Variants in DNAJC1 observed in about 807,000 individuals in gnomAD.
The protein encoded by DNAJC1 is dnaJ homolog subfamily C member 1.
Under a neutral mutation model 76.6 loss-of-function variants are expected in DNAJC1, and 58 were observed. That is an observed-to-expected ratio of 0.76 (90% CI 0.61 to 0.94). The LOEUF is 0.94. DNAJC1 is among the 40% of genes least tolerant of loss of function. The probability of loss-of-function intolerance (pLI) is 0.00; values close to 1 mark genes in which losing one functional copy is unlikely to be tolerated. For synonymous variants in DNAJC1, 258 were observed against 267.9 expected, an observed-to-expected ratio of 0.96 and a Z score of 0.36; for missense variants, 689 against 677.3, an observed-to-expected ratio of 1.02 and a Z score of -0.19.
intron 1 of DNAJC1, among the ~76,000 whole-genome samples, chr10:21,938,187 G>A (rs1195905783): frequency 6.6e-6 from 1 of 151,362 alleles, no homozygotes; most frequent in African/African-American, 2.4e-5. Context: ...AAACAACTGA[G>A]GATTAAGGAA....
intron 8 of DNAJC1, among the ~76,000 whole-genome samples, chr10:21,881,795 G>T (rs539731524): frequency 9.7e-4 from 144 of 149,160 alleles, no homozygotes; most frequent in Non-Finnish European, 1.5e-3. Flanking sequence ...TTGGAAAAAT[G>T]GTGCCCGTAA....
At chr10:21,977,570 G>A (rs1838086266) in intron 1 of DNAJC1, among the ~76,000 whole-genome samples, 1 of 152,118 alleles carries the variant, frequency 6.6e-6, no homozygotes, top group African/African-American at 2.4e-5. Flanking sequence ...AATTCCAGAA[G>A]CCAATTTTGA....
chr10:21,934,073 G>A (rs1837272619), intron 1 of DNAJC1, among the ~76,000 whole-genome samples: 1 of 152,082 alleles, frequency 6.6e-6, no homozygotes, highest in Non-Finnish European at 1.5e-5. Context: ...AAGGGGCATT[G>A]TTATAAAAGA....
chr10:21,795,610 C>T (rs374663768), intron 9 of DNAJC1, among the ~76,000 whole-genome samples: 3 of 152,294 alleles, frequency 2.0e-5, no homozygotes, highest in African/African-American at 7.2e-5. Context: ...ATGTCTAAAA[C>T]TGGATTGTGG....
intron 1 of DNAJC1, among the ~76,000 whole-genome samples, chr10:21,946,044 TTCC>T (rs960130568): frequency 2.2e-5 from 3 of 137,134 alleles, no homozygotes; most frequent in African/African-American, 8.4e-5. Flanking sequence ...TTCCTTTCTT[TTCC>T]TCTTTTTTTT....
At chr10:21,903,275 A>G (rs995377631) in intron 7 of DNAJC1, among the ~76,000 whole-genome samples, 2 of 152,162 alleles carry the variant, frequency 1.3e-5, no homozygotes, top group African/African-American at 4.8e-5. Context: ...ATTAGTCTGA[A>G]AAGGCTTAGA....
intron 1 of DNAJC1, among the ~76,000 whole-genome samples, chr10:21,986,805 T>C (rs1179763752): frequency 1.3e-5 from 2 of 152,148 alleles, no homozygotes; most frequent in Admixed American, 6.5e-5. Context: ...CTTGCTCTTG[T>C]CACCCAGGCT....
intron 1 of DNAJC1, among the ~76,000 whole-genome samples, chr10:21,965,938 A>C (rs1837881935): frequency 6.6e-6 from 1 of 152,124 alleles, no homozygotes. Context: ...CTTTCCTGTA[A>C]CACTATTATC....
chr10:21,946,827 C>G (rs2131803022), intron 1 of DNAJC1, among the ~76,000 whole-genome samples: 1 of 152,028 alleles, frequency 6.6e-6, no homozygotes, highest in Middle Eastern at 3.4e-3. Context: ...TGAATGTGTC[C>G]CCCTGAAAGC....
rs1371479282 is a variant in DNAJC1 at position 22,003,712 on chromosome 10, G to C, written c.-278C>G. On this transcript the variant is annotated 5_prime_UTR_variant, in exon 1 of 12. Transcript: ENST00000376980. ...ACACACAGCTGTAGAGGCAGCGCCC[G>C]GCGCCTGGGCTGCACAGTGGGTGAG... 8.6e-6 allele frequency: 3 copies of C among 347,178 alleles called. No homozygotes were observed. Among genetic ancestry groups the C allele is most frequent in the Admixed American group, 4.8e-5 (1 of 20,742 alleles). 21.5% of individuals were successfully genotyped at this position (347,178 alleles called of 1,614,324 possible).
intron 7 of DNAJC1, among the ~76,000 whole-genome samples, chr10:21,888,945 C>T (rs1829137413): frequency 6.6e-6 from 1 of 151,888 alleles, no homozygotes; most frequent in African/African-American, 2.4e-5. Flanking sequence ...TTCACATGTT[C>T]CCCTGAACCT....
chr10:21,944,683 T>C (rs946683402), intron 1 of DNAJC1, among the ~76,000 whole-genome samples: 10 of 152,162 alleles, frequency 6.6e-5, no homozygotes, highest in Admixed American at 2.6e-4. Flanking sequence ...GGAGAAAGAA[T>C]CGAGTGTAAA....
Position 21,759,334 on chromosome 10 carries a change from C to T in DNAJC1, c.1432G>A (p.Glu478Lys), listed in dbSNP as rs775604191. 64 of 1,614,222 alleles carry T rather than the reference C, an allele frequency of 4.0e-5. No individual in the cohort carries two copies. The highest frequency in any genetic ancestry group is 5.3e-5 in the Non-Finnish European group (63 of 1,180,040). The change falls in exon 11 of 12, where the codon GAG becomes AAG. Residue 478 changes from glutamate (E) to lysine (K), a missense_variant. Transcript: ENST00000376980. ...QKDFDIAEQN[E>K]SSDEESLRKE... ...CTCAGGCTCTCCTCGTCGCTGGACT[C>T]GTTTTGTTCTGCTATGTCAAAGTCC...
At chr10:21,850,513 T>A (rs909811560) in intron 8 of DNAJC1, among the ~76,000 whole-genome samples, 1 of 151,416 alleles carries the variant, frequency 6.6e-6, no homozygotes, top group Non-Finnish European at 1.5e-5. Flanking sequence ...TTGGAATACT[T>A]AATATTTAAA....
chr10:21,839,128 A>C (rs918570301), intron 8 of DNAJC1, among the ~76,000 whole-genome samples: 4 of 152,226 alleles, frequency 2.6e-5, no homozygotes, highest in Admixed American at 6.5e-5. Context: ...TCTAGCACTA[A>C]ATGTCCACAA....
intron 9 of DNAJC1, chr10:21,804,048 C>G: frequency 1.3e-6 from 1 of 760,662 alleles, no homozygotes; most frequent in Non-Finnish European, 1.6e-6. Context: ...ATGCTTTTGA[C>G]AGCACCAAGA....
At chr10:21,756,856 G>T in intron 11 of DNAJC1, 101 bp from the exon 12 acceptor site, 1 of 1,070,848 alleles carries the variant, frequency 9.3e-7, no homozygotes, top group Non-Finnish European at 1.4e-6. Context: ...AGAGCCTCAC[G>T]TCCAGTCCCT....
At chr10:21,771,217 T>C (rs1034292213) in intron 9 of DNAJC1, among the ~76,000 whole-genome samples, 2 of 152,220 alleles carry the variant, frequency 1.3e-5, no homozygotes, top group South Asian at 2.1e-4. Flanking sequence ...ATTTTCTATA[T>C]ATAAAATCAT....
chr10:21,954,214 A>G (rs1683442673), intron 1 of DNAJC1, among the ~76,000 whole-genome samples: 2 of 152,206 alleles, frequency 1.3e-5, no homozygotes, highest in Admixed American at 1.3e-4. Context: ...TAAAAAGAGG[A>G]AATAAAATTA....
Sources: allele counts gnomAD v4.1 joint callset (sites outside exome capture counted in the v4.1 genomes callset), GRCh38; gene constraint gnomAD v4.1.1; transcripts MANE v1.5; gene names NCBI Gene and HGNC (gene_info 2026-07-23, HGNC 2026-07-21).